Variants in DGKB observed in about 807,000 individuals in gnomAD.
The protein encoded by DGKB is diacylglycerol kinase beta, also known as 90 kDa diacylglycerol kinase.
A neutral mutation model predicts 114.3 loss-of-function variants in DGKB; 67 were observed. That is an observed-to-expected ratio of 0.59 (90% CI 0.48 to 0.72). The LOEUF (loss-of-function observed/expected upper bound fraction) is 0.72, where lower values mean the gene tolerates loss of function less well. DGKB is among the 30% of genes least tolerant of loss of function. The pLI is 0.00. For missense variants in DGKB, 907 were observed against 975.2 expected, an observed-to-expected ratio of 0.93 and a Z score of 0.93; for synonymous variants, 398 against 323.1, an observed-to-expected ratio of 1.23 and a Z score of -2.49.
At chr7:14,320,470 C>T (rs1018931695) in intron 23 of DGKB, among the ~76,000 whole-genome samples, 2 of 152,070 alleles carry the variant, frequency 1.3e-5, no homozygotes, top group Admixed American at 1.3e-4. Flanking sequence ...CATTGTGATT[C>T]TCTTATTGAA....
intron 2 of DGKB, among the ~76,000 whole-genome samples, chr7:14,796,144 T>G (rs1390847547): frequency 6.6e-6 from 1 of 152,142 alleles, no homozygotes; most frequent in Non-Finnish European, 1.5e-5. Flanking sequence ...ATGGGTGCAA[T>G]TCCCAGAATA....
At chr7:14,643,358 AG>A (rs1419023480) in intron 13 of DGKB, among the ~76,000 whole-genome samples, 9 of 30,084 alleles carry the variant, frequency 3.0e-4, no homozygotes, top group Admixed American at 6.4e-4. Context: ...GTATTGTTCC[AG>A]AGAGGAAAAT....
At chr7:14,391,081 T>C (rs192114019) in intron 21 of DGKB, among the ~76,000 whole-genome samples, 29 of 152,332 alleles carry the variant, frequency 1.9e-4, no homozygotes, top group African/African-American at 6.7e-4. Flanking sequence ...AAAGTTTGTA[T>C]TCAATTTGAT....
intron 23 of DGKB, among the ~76,000 whole-genome samples, chr7:14,329,511 TA>T (rs1809342406): frequency 6.6e-6 from 1 of 151,998 alleles, no homozygotes; most frequent in Non-Finnish European, 1.5e-5. Flanking sequence ...AAATGGTTTT[TA>T]ATATCAATAA....
intron 4 of DGKB, among the ~76,000 whole-genome samples, chr7:14,742,058 G>A (rs915088792): frequency 1.3e-5 from 2 of 152,042 alleles, no homozygotes; most frequent in Admixed American, 1.3e-4. Flanking sequence ...AATTTCTGAT[G>A]AACAGAGACT....
intron 20 of DGKB, among the ~76,000 whole-genome samples, chr7:14,522,350 G>A (rs535382761): frequency 6.6e-6 from 1 of 152,248 alleles, no homozygotes; most frequent in East Asian, 1.9e-4. Context: ...GTCAACCTGA[G>A]ATATATGCGG....
intron 4 of DGKB, 108 bp downstream of exon 4, chr7:14,753,820 A>G (rs532440762): frequency 4.3e-4 from 337 of 785,210 alleles, no homozygotes; most frequent in Non-Finnish European, 6.6e-4. Flanking sequence ...TACTATAGAA[A>G]TCATATTGGT....
chr7:14,823,619 A>G (rs571418612), intron 2 of DGKB, among the ~76,000 whole-genome samples: 1 of 152,266 alleles, frequency 6.6e-6, no homozygotes, highest in African/African-American at 2.4e-5. Context: ...CACTGGGAAA[A>G]AGAAAAAAAC....
At chr7:14,362,741 A>T (rs1294650290) in intron 21 of DGKB, among the ~76,000 whole-genome samples, 3 of 152,094 alleles carry the variant, frequency 2.0e-5, no homozygotes, top group African/African-American at 4.8e-5. Flanking sequence ...TGATATTATT[A>T]TATTATTTTG....
intron 2 of DGKB, among the ~76,000 whole-genome samples, chr7:14,764,719 T>C (rs1836207899): frequency 6.6e-6 from 1 of 151,790 alleles, no homozygotes. Flanking sequence ...TATGAATATA[T>C]ATTTTGTCTG....
chr7:14,594,297 T>C (rs908362690), intron 17 of DGKB, among the ~76,000 whole-genome samples: 2 of 152,076 alleles, frequency 1.3e-5, no homozygotes, highest in Non-Finnish European at 2.9e-5. Flanking sequence ...TGAAAGTCCA[T>C]CTCTTAAGGT....
At chr7:14,848,701 T>A (rs1725440276) in intron 1 of DGKB, among the ~76,000 whole-genome samples, 1 of 152,188 alleles carries the variant, frequency 6.6e-6, no homozygotes, top group Non-Finnish European at 1.5e-5. Context: ...AACTTAGGTT[T>A]TGAACTGAGG....
At chr7:14,574,073 T>C in intron 20 of DGKB, 139 bp downstream of exon 20, 1 of 581,112 alleles carries the variant, frequency 1.7e-6, no homozygotes. Context: ...CAATAATAAT[T>C]GCCTATTAGA....
intron 21 of DGKB, among the ~76,000 whole-genome samples, chr7:14,427,001 A>G (rs1827670425): frequency 1.3e-5 from 2 of 152,056 alleles, no homozygotes; most frequent in African/African-American, 4.8e-5. Context: ...CGGAGGTTAC[A>G]GTGAGCCAAG....
intron 1 of DGKB, among the ~76,000 whole-genome samples, chr7:14,967,652 TAAA>T (rs35965873): frequency 5.9e-5 from 6 of 101,040 alleles, no homozygotes; most frequent in African/African-American, 2.2e-4. Context: ...TGTGATTTAT[TAAA>T]AAAAAAAAAA....
intron 21 of DGKB, among the ~76,000 whole-genome samples, chr7:14,459,466 C>A (rs1364318760): frequency 6.6e-6 from 1 of 152,032 alleles, no homozygotes; most frequent in African/African-American, 2.4e-5. Context: ...ACGCAAGTAT[C>A]AGTAGTTGAA....
intron 20 of DGKB, among the ~76,000 whole-genome samples, chr7:14,509,301 T>G (rs988984223): frequency 2.6e-5 from 4 of 152,022 alleles, no homozygotes; most frequent in African/African-American, 9.7e-5. Context: ...GAGACACCCA[T>G]GGGGAGCCAT....
chr7:14,523,647 G>T (rs572474464), intron 20 of DGKB, among the ~76,000 whole-genome samples: 81 of 152,034 alleles, frequency 5.3e-4, no homozygotes, highest in African/African-American at 1.9e-3. Context: ...TTTGGAAATT[G>T]TTATATAATA....
chr7:14,373,718 A>C (rs1818043191), intron 21 of DGKB, among the ~76,000 whole-genome samples: 2 of 152,136 alleles, frequency 1.3e-5, no homozygotes, highest in African/African-American at 4.8e-5. Context: ...CAGAACAAGC[A>C]GTAGAAGAGG....
Sources: gnomAD v4.1 joint callset for allele counts (sites outside exome capture counted in the v4.1 genomes callset) on GRCh38, gnomAD v4.1.1 for gene constraint, MANE v1.5 for transcripts, NCBI Gene and HGNC (gene_info 2026-07-23, HGNC 2026-07-21) for gene names.